Variants in LRCH3 observed in about 807,000 individuals in gnomAD.
LRCH3 encodes DISP complex protein LRCH3.
A neutral mutation model predicts 104.5 loss-of-function variants in LRCH3; 68 were observed. The ratio of observed to expected loss-of-function variants is 0.65; its 90% CI spans 0.54 to 0.80. The LOEUF is 0.80. Among genes scored for constraint, LRCH3 ranks in the 30% least tolerant of loss-of-function variants. The pLI is 0.00. For missense variants in LRCH3, 951 were observed against 953.9 expected (o/e 1.00, Z 0.04); for synonymous variants, 344 against 361.3 (o/e 0.95, Z 0.54).
At chr3:197,825,409 C>T (rs573579051) in intron 4 of LRCH3, among the ~76,000 whole-genome samples, 2 of 140,054 alleles carry the variant, frequency 1.4e-5, no homozygotes, top group Non-Finnish European at 3.1e-5. Flanking sequence ...TCTCTGTCCC[C>T]TTTTTGAATT....
chr3:197,829,005 G>A lies in LRCH3; in HGVS notation c.778-559G>A, dbSNP rs368683816. The stretch of plus-strand genomic sequence containing the variant: ...ATTACAGGTGTGAGCCACTGTGCCC[G>A]GCGGCATATGCTACTCTTTATGGCA... On this transcript the variant is annotated intron_variant, in intron 5 of 20. Coordinates refer to ENST00000425562, the MANE Select transcript of LRCH3 (RefSeq NM_001365715.1). Among the ~76,000 whole-genome samples the A allele has an allele frequency of 7.9e-5, 12 of 152,144 alleles. No individual in the cohort carries two copies. The East Asian group carries it at 1.7e-3, about 22-fold the overall frequency.
At chr3:197,858,321 T>A (rs1740510511) in intron 14 of LRCH3, among the ~76,000 whole-genome samples, 2 of 152,188 alleles carry the variant, frequency 1.3e-5, no homozygotes, top group African/African-American at 2.4e-5. Context: ...AAATTCCACC[T>A]TCCCCTCTTA....
chr3:197,860,295 C>T (rs554710477), intron 15 of LRCH3, among the ~76,000 whole-genome samples: 1 of 152,328 alleles, frequency 6.6e-6, no homozygotes, highest in African/African-American at 2.4e-5. Context: ...CGCCCAACCT[C>T]CTTCAACTTC....
At chr3:197,880,057 T>C (rs191326591) in intron 20 of LRCH3, among the ~76,000 whole-genome samples, 56 of 148,424 alleles carry the variant, frequency 3.8e-4, no homozygotes, top group South Asian at 8.5e-4. Flanking sequence ...GCCATTCTCC[T>C]GCCTCAGCCT....
chr3:197,793,386 C>G (rs557620342), intron 1 of LRCH3, among the ~76,000 whole-genome samples: 5 of 152,252 alleles, frequency 3.3e-5, no homozygotes, highest in African/African-American at 1.2e-4. Flanking sequence ...TGTGTGTGTT[C>G]TGGTAGACGG....
chr3:197,869,338 A>G (rs1368985704), intron 17 of LRCH3, among the ~76,000 whole-genome samples: 2 of 151,414 alleles, frequency 1.3e-5, no homozygotes, highest in African/African-American at 4.9e-5. Context: ...GGAAGTAGAA[A>G]GCGGTGCACT....
At chr3:197,817,358 G>GTGTGTGTATATATATATATATATATA (rs1733951257) in intron 3 of LRCH3, 56 bp downstream of exon 3, 1 of 119,678 alleles carries the variant, frequency 8.4e-6, no homozygotes, top group Admixed American at 6.5e-4. Flanking sequence ...GTGTGTGTGT[G>GTGTGTGTATATATATATATATATATA]TGTATATATA....
chr3:197,884,668 A>T lies in LRCH3; in HGVS notation c.*1002A>T, dbSNP rs1338586085. The stretch of plus-strand genomic sequence containing the variant: ...ATTTGTATGTTTGCGGGGGAGGGTA[A>T]TGGCCCCCTGCATTTTTCACCCACA... On this transcript the variant is annotated 3_prime_UTR_variant, in exon 21 of 21. Transcript: ENST00000425562. The T allele has an allele frequency of 6.6e-6, 1 of 152,274 alleles. No individual in the cohort carries two copies. The highest frequency in any genetic ancestry group is 1.5e-5 in the Non-Finnish European group (1 of 68,046). 9.4% of individuals were successfully genotyped at this position (152,274 alleles called of 1,614,324 possible). A position where few individuals can be genotyped will look rare whatever the true frequency, so the allele number is the denominator to read the frequency against.
At chr3:197,808,698 G>A (rs947965963) in intron 1 of LRCH3, among the ~76,000 whole-genome samples, 4 of 152,136 alleles carry the variant, frequency 2.6e-5, no homozygotes, top group African/African-American at 9.7e-5. Flanking sequence ...GATCACTTGA[G>A]CCCAGGAGTT....
chr3:197,863,282 AG>A (rs1741085791), intron 15 of LRCH3, among the ~76,000 whole-genome samples: 1 of 152,114 alleles, frequency 6.6e-6, no homozygotes, highest in Non-Finnish European at 1.5e-5. Flanking sequence ...ATTTATTTTG[AG>A]ATGGAGTCTC....
At chr3:197,875,618 C>A in intron 19 of LRCH3, 80 bp from the exon 20 acceptor site, 1 of 1,045,644 alleles carries the variant, frequency 9.6e-7, no homozygotes, top group Non-Finnish European at 1.4e-6. Flanking sequence ...TGCGCCACTG[C>A]ACTCCAGCCT....
At chr3:197,844,919 G>A (rs1327765522) in intron 10 of LRCH3, among the ~76,000 whole-genome samples, 8 of 152,172 alleles carry the variant, frequency 5.3e-5, no homozygotes, top group East Asian at 3.9e-4. Context: ...CACTGCACCC[G>A]GCCCTGCTGA....
chr3:197,818,642 G>A (rs1580631610), intron 3 of LRCH3, among the ~76,000 whole-genome samples: 1 of 152,170 alleles, frequency 6.6e-6, no homozygotes, highest in East Asian at 1.9e-4. Flanking sequence ...CAGAACTTGG[G>A]TTAAAAACAT....
intron 15 of LRCH3, chr3:197,859,582 T>G (rs1401771638): frequency 2.6e-5 from 4 of 152,250 alleles, no homozygotes; most frequent in Non-Finnish European, 5.9e-5. Context: ...ACCTGTAGTA[T>G]TTTATTTTTT....
At chr3:197,830,304 A>G (rs1487395926) in intron 6 of LRCH3, among the ~76,000 whole-genome samples, 1 of 151,928 alleles carries the variant, frequency 6.6e-6, no homozygotes, top group African/African-American at 2.4e-5. Flanking sequence ...CTGGTCTCAA[A>G]CTCCTGAGCT....
intron 17 of LRCH3, among the ~76,000 whole-genome samples, chr3:197,869,684 T>C (rs1231697450): frequency 1.6e-5 from 2 of 125,206 alleles, no homozygotes; most frequent in Non-Finnish European, 3.2e-5. Flanking sequence ...GCAGTGTACC[T>C]GCAGGAGGTA....
intron 4 of LRCH3, among the ~76,000 whole-genome samples, chr3:197,821,661 TAC>T (rs1369637094): frequency 1.3e-5 from 2 of 152,202 alleles, no homozygotes; most frequent in Admixed American, 1.3e-4. Flanking sequence ...AAATATGACT[TAC>T]AGTGTACAAT....
intron 7 of LRCH3, chr3:197,831,406 T>C (rs906997092): frequency 6.6e-6 from 1 of 152,278 alleles, no homozygotes; most frequent in East Asian, 1.9e-4. Flanking sequence ...ATGTGTAATA[T>C]TTTAGCTATG....
intron 10 of LRCH3, among the ~76,000 whole-genome samples, chr3:197,844,793 A>AT (rs573942639): frequency 8.6e-5 from 13 of 151,382 alleles, no homozygotes; most frequent in South Asian, 2.1e-4. Flanking sequence ...AGTTTTTCGT[A>AT]TTTTTTTAGT....
Sources: allele counts gnomAD v4.1 joint callset (sites outside exome capture counted in the v4.1 genomes callset), GRCh38; gene constraint gnomAD v4.1.1; transcripts MANE v1.5; gene names NCBI Gene and HGNC (gene_info 2026-07-23, HGNC 2026-07-21).